Variants in CELSR1 observed in about 807,000 individuals in gnomAD.
CELSR1 encodes the protein cadherin EGF LAG seven-pass G-type receptor 1, also known as adhesion G protein-coupled receptor C1.
CELSR1 carries 110 observed loss-of-function variants against 249.1 expected under a neutral mutation model. The observed-to-expected ratio is 0.44, with a 90% CI of 0.38 to 0.52. The LOEUF is 0.52. Ranked by LOEUF, CELSR1 falls within the 20% of genes least tolerant of loss-of-function variation. The pLI, the probability that CELSR1 is intolerant of heterozygous loss-of-function variation, is 0.00. For missense variants in CELSR1, 4,109 were observed against 4,296.4 expected (o/e 0.96, Z 1.22); for synonymous variants, 2,113 against 1,900.0 (o/e 1.11, Z -2.92).
In CELSR1 at chr22:46,429,687, G is replaced by A. The variant is rs1569156810; in HGVS notation, c.4611+3706C>T. ...GCTTCTGGTGGCTTTGGCCAGTGGG[G>A]AGCCAGACGGGAGGATAGAGTGAGG... On this transcript the variant is annotated intron_variant, in intron 5 of 34. Transcript: ENST00000674500. This position sits in a 1 kb window ranked among gnomAD's most constrained non-coding sequence, Gnocchi z 4.1. Among the ~76,000 whole-genome samples the A allele has an allele frequency of 6.6e-6, 1 of 152,236 alleles. No homozygotes were observed. Among genetic ancestry groups the A allele is most frequent in the Non-Finnish European group, 1.5e-5 (1 of 68,036 alleles).
intron 20 of CELSR1, 67 bp downstream of exon 20, chr22:46,384,476 G>A (rs2079011128): frequency 6.6e-7 from 1 of 1,507,266 alleles, no homozygotes; most frequent in Non-Finnish European, 8.9e-7. Flanking sequence ...GATGCCCGCA[G>A]CGGGGCCCTC....
rs1339959318 is a variant in CELSR1 at position 46,389,601 on chromosome 22, G to C, written c.6346-102C>G. The C allele has an allele frequency of 6.4e-6, 8 of 1,252,254 alleles. No individual in the cohort carries two copies. The Admixed American group carries it at 1.7e-4, about 27-fold the overall frequency. The allele number at this position is 1,252,254 out of a possible 1,614,324, so 77.6% of individuals were successfully genotyped here. A position where few individuals can be genotyped will look rare whatever the true frequency, so the allele number is the denominator to read the frequency against. ...ACTACTGTCTGGTGCAAGTTTCCTT[G>C]TCAGAAAGGAACTTTAAAAAATCCA... On this transcript the variant is annotated intron_variant, in intron 17 of 34. Transcript: ENST00000674500.
chr22:46,515,650 G>A (rs189273064), intron 1 of CELSR1, among the ~76,000 whole-genome samples: 2 of 152,326 alleles, frequency 1.3e-5, no homozygotes, highest in Admixed American at 6.5e-5. Flanking sequence ...CAAAGGCACA[G>A]AGGCTGAGGC....
chr22:46,425,071 T>G (rs1263007468), intron 5 of CELSR1, among the ~76,000 whole-genome samples: 1 of 152,206 alleles, frequency 6.6e-6, no homozygotes, highest in African/African-American at 2.4e-5. Flanking sequence ...TGAGAAGTTG[T>G]TTGGTGCTAA....
intron 9 of CELSR1, among the ~76,000 whole-genome samples, chr22:46,403,234 G>A (rs902550275): frequency 1.3e-5 from 2 of 152,018 alleles, no homozygotes; most frequent in Non-Finnish European, 2.9e-5. Context: ...TAAGTGAGGA[G>A]ACAAAGACAA....
chr22:46,455,285 A>G (rs1300510121), intron 2 of CELSR1, among the ~76,000 whole-genome samples: 1 of 152,150 alleles, frequency 6.6e-6, no homozygotes, highest in Non-Finnish European at 1.5e-5. Flanking sequence ...GCTGGAGTGC[A>G]GTGGCGCCAT....
Position 46,381,021 on chromosome 22 carries a change from A to G in CELSR1, c.7089-66T>C. The stretch of plus-strand genomic sequence containing the variant: ...GGAAACATCTGCTTAAATCCCGCGC[A>G]CAAATGCCCTGAGGACACGCCATGA... On this transcript the variant is annotated intron_variant, in intron 21 of 34. Transcript: ENST00000674500. This position sits in a 1 kb window ranked among gnomAD's most constrained non-coding sequence, Gnocchi z 6.0. The G allele has an allele frequency of 6.5e-7, 1 of 1,529,740 alleles. No individual in the cohort carries two copies. The highest frequency in any genetic ancestry group is 9.0e-7 in the Non-Finnish European group (1 of 1,116,922). The allele number at this position is 1,529,740 out of a possible 1,614,324, so 94.8% of individuals were successfully genotyped here.
intron 33 of CELSR1, 43 bp downstream of exon 33, chr22:46,364,469 G>A (rs1240554170): frequency 1.3e-6 from 2 of 1,576,510 alleles, no homozygotes; most frequent in African/African-American, 1.3e-5. Flanking sequence ...TGGCCCTTCT[G>A]GGTCCTCCAG....
chr22:46,505,130 C>T (rs769929815), intron 1 of CELSR1, among the ~76,000 whole-genome samples: 1 of 151,846 alleles, frequency 6.6e-6, no homozygotes, highest in African/African-American at 2.4e-5. Context: ...GGCATGGTGG[C>T]GGGCTCCTGT....
In CELSR1 at chr22:46,535,118, G is replaced by T. The variant is rs762749693; in HGVS notation, c.2053C>A (p.Pro685Thr). The T allele has an allele frequency of 1.2e-6, 2 of 1,611,552 alleles. No individual in the cohort carries two copies. The highest frequency in any genetic ancestry group is 8.5e-7 in the Non-Finnish European group (1 of 1,179,828). ...TCGTAGGTGGGCTGCGTGAACACCG[G>T]GTCGTTGTCATTCACGTCCAGCACC... is the stretch of plus-strand genomic sequence containing the variant. ...ITVLDVNDNDPVFTQPTYELR... is the reference protein window; with the variant it reads ...ITVLDVNDNDTVFTQPTYELR... The change falls in exon 1 of 35, where the codon CCG becomes ACG. Residue 685 changes from proline (P) to threonine (T), a missense_variant. Coordinates refer to ENST00000674500, the MANE Select transcript of CELSR1 (RefSeq NM_001378328.1).
rs62233323 is a variant in CELSR1 at position 46,532,768 on chromosome 22, C to T, written c.3544+859G>A. 9.3e-3 allele frequency among the ~76,000 whole-genome samples: 1,409 copies of T among 152,284 alleles called. 10 individuals are homozygous for T. The highest frequency in any genetic ancestry group is 0.016 in the Non-Finnish European group (1,069 of 68,028). ...ACCTTTACTGTTCCCCCAGGCCCCT[C>T]GAAGTTCTTCTCTCTCTTCTGTGTC... On this transcript the variant is annotated intron_variant, in intron 1 of 34. Coordinates refer to ENST00000674500, the MANE Select transcript of CELSR1 (RefSeq NM_001378328.1).
At chr22:46,477,808 T>A (rs1733295572) in intron 1 of CELSR1, among the ~76,000 whole-genome samples, 2 of 152,034 alleles carry the variant, frequency 1.3e-5, no homozygotes, top group Admixed American at 1.3e-4. Context: ...ACCTGGCCAA[T>A]GCTGTTTTAA....
rs1163684435 is a variant in CELSR1 at position 46,402,958 on chromosome 22, A to G, written c.5227-3056T>C. Among the ~76,000 whole-genome samples, 1 of 152,208 alleles carries G rather than the reference A, an allele frequency of 6.6e-6. No individual in the cohort carries two copies. Among genetic ancestry groups the G allele is most frequent in the African/African-American group, 2.4e-5 (1 of 41,434 alleles). On this transcript the variant is annotated intron_variant, in intron 9 of 34. Coordinates refer to ENST00000674500, the MANE Select transcript of CELSR1 (RefSeq NM_001378328.1). This position sits in a 1 kb window ranked among gnomAD's most constrained non-coding sequence, Gnocchi z 5.0. The stretch of plus-strand genomic sequence containing the variant: ...GTTGAAAGTAAAAGGATAGAAAAAA[A>G]TACATCATATAAATACCAACCAAAA...
At chr22:46,384,277 G>A (rs1352043887) in intron 20 of CELSR1, among the ~76,000 whole-genome samples, 1 of 152,184 alleles carries the variant, frequency 6.6e-6, no homozygotes. Context: ...ACGCTCCAAT[G>A]AGCATTTCCT....
rs1027584508 is a variant in CELSR1, at chr22:46,394,266, T to G, written c.5844-4A>C. On this transcript the variant is annotated splice_region_variant and splice_polypyrimidine_tract_variant and intron_variant, in intron 13 of 34. Transcript: ENST00000674500. ...TCTGGGGCACGGAAGGTCGAGTCTG[T>G]GGGGAAAATAAGAGGGCAGCTGGAA... is the stretch of plus-strand genomic sequence containing the variant. 2 of 1,611,700 alleles carry G rather than the reference T, an allele frequency of 1.2e-6. No individual in the cohort carries two copies. Among genetic ancestry groups the G allele is most frequent in the Admixed American group, 1.7e-5 (1 of 59,756 alleles).
At position 46,471,883 on chromosome 22, in the gene CELSR1, G is replaced by A. The variant is rs1433300097; in HGVS notation, c.3545-7538C>T. Among the ~76,000 whole-genome samples the A allele has an allele frequency of 6.6e-6, 1 of 152,120 alleles. No individual in the cohort carries two copies. The highest frequency in any genetic ancestry group is 2.4e-5 in the African/African-American group (1 of 41,404). On this transcript the variant is annotated intron_variant, in intron 1 of 34. Transcript: ENST00000674500. The surrounding 1 kb of genome is among the most constrained non-coding windows in gnomAD (Gnocchi z 4.9). ...GTCTGGGACCTGTACAGTTTTCAGG[G>A]GCTGCGGTCTGTGGCCTTCAGGTGA...
chr22:46,370,585 G>T (rs995524228), intron 25 of CELSR1, among the ~76,000 whole-genome samples: 6 of 152,226 alleles, frequency 3.9e-5, no homozygotes, highest in African/African-American at 1.4e-4. Context: ...CTTGGGACAG[G>T]AGCAACCAGC....
At chr22:46,388,839 G>A (rs1038031443) in intron 18 of CELSR1, among the ~76,000 whole-genome samples, 1 of 152,112 alleles carries the variant, frequency 6.6e-6, no homozygotes, top group Non-Finnish European at 1.5e-5. Flanking sequence ...TCAGAGCTGC[G>A]GGTGGGAGTG....
chr22:46,437,766 A>AAAAAAC lies in CELSR1; in HGVS notation c.4406+1422_4406+1423insGTTTTT, dbSNP rs1367639993. ...AGACTCCGTCTCAAAAAAAAAAAAA[A>AAAAAAC]AACTGATGGTTCCCAACTGTCGCCC... On this transcript the variant is annotated intron_variant, in intron 3 of 34. Transcript: ENST00000674500. The surrounding 1 kb of genome is among the most constrained non-coding windows in gnomAD (Gnocchi z 4.9). Among the ~76,000 whole-genome samples the AAAAAAC allele has an allele frequency of 2.6e-5, 4 of 151,964 alleles. No homozygotes were observed. Among genetic ancestry groups the AAAAAAC allele is most frequent in the African/African-American group, 9.7e-5 (4 of 41,276 alleles).
Sources: allele counts gnomAD v4.1 joint callset (sites outside exome capture counted in the v4.1 genomes callset), GRCh38; gene constraint gnomAD v4.1.1; non-coding constraint Gnocchi (gnomAD v3.1); transcripts MANE v1.5; gene names NCBI Gene and HGNC (gene_info 2026-07-23, HGNC 2026-07-21).